Variants in LLPH observed in about 807,000 individuals in gnomAD.
The protein encoded by LLPH is LLP homolog, long-term synaptic facilitation factor.
A neutral mutation model predicts 13.3 loss-of-function variants in LLPH; 5 were observed. The ratio of observed to expected loss-of-function variants is 0.38; its 90% CI spans 0.20 to 0.79. The LOEUF is 0.79. Among genes scored for constraint, LLPH ranks in the 30% least tolerant of loss-of-function variants. LLPH has a pLI of 0.45. For synonymous variants in LLPH, 32 were observed against 44.2 expected (o/e 0.72, Z 1.09); for missense variants, 129 against 152.1 (o/e 0.85, Z 0.80).
At chr12:66,126,272 C>T (rs977623525) in intron 2 of LLPH, among the ~76,000 whole-genome samples, 4 of 148,728 alleles carry the variant, frequency 2.7e-5, no homozygotes, top group African/African-American at 7.5e-5. Flanking sequence ...TGCAGTGAGC[C>T]GAGATCATGC....
chr12:66,124,141 A>C, intron 2 of LLPH, 123 bp from the exon 3 acceptor site: 1 of 610,010 alleles, frequency 1.6e-6, no homozygotes, highest in Non-Finnish European at 2.8e-6. Context: ...ATAGAGAAGA[A>C]AAAAACTTTA....
chr12:66,130,502 G>T (rs891565952), intron 1 of LLPH: 2 of 152,218 alleles, frequency 1.3e-5, no homozygotes, highest in Non-Finnish European at 2.9e-5. Flanking sequence ...ACAGGGGTGG[G>T]CTCCACTTTA....
At chr12:66,126,541 G>A (rs1409953129) in intron 2 of LLPH, among the ~76,000 whole-genome samples, 2 of 151,984 alleles carry the variant, frequency 1.3e-5, no homozygotes, top group South Asian at 2.1e-4. Flanking sequence ...TTAACAACCC[G>A]ATAATAAAAA....
At chr12:66,128,567 G>A (rs1227419367) in intron 2 of LLPH, among the ~76,000 whole-genome samples, 1 of 152,122 alleles carries the variant, frequency 6.6e-6, no homozygotes, top group East Asian at 1.9e-4. Flanking sequence ...TACTCCTGTA[G>A]AACTGTTTAT....
In LLPH at chr12:66,123,726, T is replaced by TA. The variant is rs2051478406; in HGVS notation, c.*113dup. On this transcript the variant is annotated 3_prime_UTR_variant, in exon 3 of 3. Transcript: ENST00000266604. The stretch of plus-strand genomic sequence containing the variant: ...TTGAATTGAAGAAAAAAGGCCAAGT[T>TA]AAAATAGGAAAACAAATGGTTTTCA... 2 of 1,211,406 alleles carry TA rather than the reference T, an allele frequency of 1.7e-6. No individual in the cohort carries two copies. The highest frequency in any genetic ancestry group is 3.0e-5 in the African/African-American group (2 of 65,650). The allele number at this position is 1,211,406 out of a possible 1,614,324, so 75.0% of individuals were successfully genotyped here.
rs2051474383 is a variant in LLPH at position 66,123,148 on chromosome 12, T to G, written c.*692A>C. 1 of 151,896 alleles carries G rather than the reference T, an allele frequency of 6.6e-6. No individual in the cohort carries two copies. Among genetic ancestry groups the G allele is most frequent in the Non-Finnish European group, 1.5e-5 (1 of 67,950 alleles). 9.4% of individuals were successfully genotyped at this position (151,896 alleles called of 1,614,324 possible). A position where few individuals can be genotyped will look rare whatever the true frequency, so the allele number is the denominator to read the frequency against. On this transcript the variant is annotated 3_prime_UTR_variant, in exon 3 of 3. Coordinates refer to ENST00000266604, the MANE Select transcript of LLPH (RefSeq NM_032338.4). The stretch of plus-strand genomic sequence containing the variant: ...TAAGATCCATTATTTTTTTTTTTTT[T>G]GAGACAGAGTCCTACTCCATTGCCC...
chr12:66,127,310 C>G (rs1002960001), intron 2 of LLPH, among the ~76,000 whole-genome samples: 4 of 152,186 alleles, frequency 2.6e-5, no homozygotes, highest in Non-Finnish European at 5.9e-5. Context: ...GTGGTACATG[C>G]AATGGACTAT....
Position 66,122,829 on chromosome 12 carries a change from C to T in LLPH, c.*1011G>A, listed in dbSNP as rs1382228433. 1.3e-5 allele frequency: 2 copies of T among 152,058 alleles called. No homozygotes were observed. Among genetic ancestry groups the T allele is most frequent in the Non-Finnish European group, 2.9e-5 (2 of 68,022 alleles). The allele number at this position is 152,058 out of a possible 1,614,324, so 9.4% of individuals were successfully genotyped here. A position where few individuals can be genotyped will look rare whatever the true frequency, so the allele number is the denominator to read the frequency against. On this transcript the variant is annotated 3_prime_UTR_variant, in exon 3 of 3. Coordinates refer to ENST00000266604, the MANE Select transcript of LLPH (RefSeq NM_032338.4). ...CAGAGGAAACTGATACTGAAGAACA[C>T]ACTCCGGGGAATGCTGCATGATACT...
rs140793327 is a variant in LLPH at position 66,128,979 on chromosome 12, T to A, written c.128A>T (p.Asp43Val). The A allele has an allele frequency of 1.9e-6, 3 of 1,613,390 alleles. No individual in the cohort carries two copies. Among genetic ancestry groups the A allele is most frequent in the Non-Finnish European group, 2.5e-6 (3 of 1,179,380 alleles). Reference sequence around the variant, plus strand: ...CACCACAGTTGCTATCTCTTGAACATCTTTCATTAAAACATCACCGTCTAG... The same window carrying A: ...CACCACAGTTGCTATCTCTTGAACAACTTTCATTAAAACATCACCGTCTAG... ...LKLDGDVLMK[D>V]VQEIATVVVP... Residue 43 changes from aspartate to valine, a missense_variant, in exon 2 of 3, where the codon GAT (aspartate) becomes GTT (valine). Physicochemically the swap from Asp to Val is radical, Grantham distance 152. Transcript: ENST00000266604.
At position 66,121,883 on chromosome 12, in the gene LLPH, CA is replaced by C. The variant is rs368455022; in HGVS notation, c.*1956del. Reference sequence around the variant, plus strand: ...TGGGTGACAGAGTGAGACCCCATCTCAAAAAAAAAAAAAAAAAAAACATAAA... The same window carrying C: ...TGGGTGACAGAGTGAGACCCCATCTCAAAAAAAAAAAAAAAAAAACATAAA... On this transcript the variant is annotated 3_prime_UTR_variant, in exon 3 of 3. Coordinates refer to ENST00000266604, the MANE Select transcript of LLPH (RefSeq NM_032338.4). 737 of 73,158 alleles carry C rather than the reference CA, an allele frequency of 0.01. 3 individuals are homozygous for C. The highest frequency in any genetic ancestry group is 0.03 in the African/African-American group (602 of 19,844). The allele number at this position is 73,158 out of a possible 1,614,324, so 4.5% of individuals were successfully genotyped here.
At position 66,124,060 on chromosome 12, in the gene LLPH, A is replaced by C. The variant is rs748186708; in HGVS notation, c.212-42T>G. On this transcript the variant is annotated intron_variant, in intron 2 of 2. Coordinates refer to ENST00000266604, the MANE Select transcript of LLPH (RefSeq NM_032338.4). ...AAAAACTATTAACACCATGTATGAA[A>C]AAAACCACCCTGTGAAAGCATATTA... 398 of 1,373,882 alleles carry C rather than the reference A, an allele frequency of 2.9e-4. 1 individual carries two copies. Among genetic ancestry groups the C allele is most frequent in the Non-Finnish European group, 3.9e-4 (384 of 987,092 alleles). 85.1% of individuals were successfully genotyped at this position (1,373,882 alleles called of 1,614,324 possible).
intron 2 of LLPH, among the ~76,000 whole-genome samples, chr12:66,125,428 G>C (rs777828119): frequency 1.3e-5 from 2 of 152,060 alleles, no homozygotes; most frequent in African/African-American, 2.4e-5. Context: ...GCAGGCAGTT[G>C]AAAGAGTAGA....
At position 66,120,484 on chromosome 12, in the gene LLPH, T is replaced by G. The variant is rs899736609; in HGVS notation, c.*3356A>C. 1.6e-4 allele frequency: 25 copies of G among 152,210 alleles called. No individual in the cohort carries two copies. Among genetic ancestry groups the G allele is most frequent in the African/African-American group, 6.0e-4 (25 of 41,452 alleles). The allele number at this position is 152,210 out of a possible 1,614,324, so 9.4% of individuals were successfully genotyped here. A position where few individuals can be genotyped will look rare whatever the true frequency, so the allele number is the denominator to read the frequency against. ...ACATTAGTACCAAACTCAGATAACA[T>G]TAGTACCAAACTCATGAGATTGCTG... On this transcript the variant is annotated 3_prime_UTR_variant, in exon 3 of 3. Coordinates refer to ENST00000266604, the MANE Select transcript of LLPH (RefSeq NM_032338.4).
rs776423359 is a variant in LLPH, at chr12:66,124,058, A to T, written c.212-40T>A. Reference sequence around the variant, plus strand: ...GGAAAAACTATTAACACCATGTATGAAAAAAACCACCCTGTGAAAGCATAT... The same window carrying T: ...GGAAAAACTATTAACACCATGTATGTAAAAAACCACCCTGTGAAAGCATAT... On this transcript the variant is annotated intron_variant, in intron 2 of 2. Coordinates refer to ENST00000266604, the MANE Select transcript of LLPH (RefSeq NM_032338.4). The T allele has an allele frequency of 2.2e-6, 3 of 1,384,090 alleles. No individual in the cohort carries two copies. In the Admixed American group the frequency reaches 6.2e-5, roughly 29 times the overall value. 85.7% of individuals were successfully genotyped at this position (1,384,090 alleles called of 1,614,324 possible). A position where few individuals can be genotyped will look rare whatever the true frequency, so the allele number is the denominator to read the frequency against.
chr12:66,127,822 C>T (rs769348513), intron 2 of LLPH, among the ~76,000 whole-genome samples: 3 of 152,110 alleles, frequency 2.0e-5, no homozygotes, highest in East Asian at 3.9e-4. Flanking sequence ...AGAAATTTTT[C>T]TTTCTTTCTT....
At position 66,117,915 on chromosome 12, in the gene LLPH, A is replaced by T. The variant is rs945307639; in HGVS notation, c.*5925T>A. The T allele has an allele frequency of 1.3e-5, 2 of 152,258 alleles. No homozygotes were observed. The highest frequency in any genetic ancestry group is 4.8e-5 in the African/African-American group (2 of 41,476). 9.4% of individuals were successfully genotyped at this position (152,258 alleles called of 1,614,324 possible). On this transcript the variant is annotated 3_prime_UTR_variant, in exon 3 of 3. Transcript: ENST00000266604. ...ATATTTGTGTACAGTTGTACAATGT[A>T]TTTGTGTTTTAAGGTAAGTGTTATG...
Position 66,129,099 on chromosome 12 carries a change from T to C in LLPH, c.8A>G (p.Lys3Arg), listed in dbSNP as rs1162969144. The C allele has an allele frequency of 6.2e-7, 1 of 1,608,480 alleles. No homozygotes were observed. The highest frequency in any genetic ancestry group is 8.5e-7 in the Non-Finnish European group (1 of 1,177,716). The change falls in exon 2 of 3, where the codon AAA becomes AGA. Residue 3 changes from lysine (K) to arginine (R), a missense_variant. Lys to Arg is a conservative substitution (Grantham distance 26, BLOSUM62 2). Coordinates refer to ENST00000266604, the MANE Select transcript of LLPH (RefSeq NM_032338.4). The part of the protein sequence containing the change: MA[K>R]SLRSKWKRKM... ...TCTTTTCCACTTACTCCGTAAGCTTTTAGCCATGTTTTACCTGAAGTTAAC... is the reference window on the plus strand; with the variant it reads ...TCTTTTCCACTTACTCCGTAAGCTTCTAGCCATGTTTTACCTGAAGTTAAC...
At chr12:66,128,871 A>T in intron 2 of LLPH, 25 bp downstream of exon 2, 1 of 1,511,198 alleles carries the variant, frequency 6.6e-7, no homozygotes, top group Non-Finnish European at 9.0e-7. Context: ...AAAAAAAGAG[A>T]AAGAAAAAGG....
Position 66,117,854 on chromosome 12 carries a change from A to G in LLPH, c.*5986T>C, listed in dbSNP as rs1278199964. The G allele has an allele frequency of 6.6e-6, 1 of 152,226 alleles. No homozygotes were observed. Among genetic ancestry groups the G allele is most frequent in the South Asian group, 2.1e-4 (1 of 4,834 alleles). 9.4% of individuals were successfully genotyped at this position (152,226 alleles called of 1,614,324 possible). On this transcript the variant is annotated 3_prime_UTR_variant, in exon 3 of 3. Coordinates refer to ENST00000266604, the MANE Select transcript of LLPH (RefSeq NM_032338.4). ...AAAAAAAGAAATTAAAAAATTAAAA[A>G]TTGTGGAAATAGAAAAAAGCTTATA...
Sources: gnomAD v4.1 joint callset for allele counts (sites outside exome capture counted in the v4.1 genomes callset) on GRCh38, gnomAD v4.1.1 for gene constraint, MANE v1.5 for transcripts, NCBI Gene and HGNC (gene_info 2026-07-23, HGNC 2026-07-21) for gene names.